JAK2: variants seen among roughly 807,000 people sequenced by gnomAD.
JAK2 encodes Janus kinase 2, also known as tyrosine-protein kinase JAK2.
In JAK2, 86 loss-of-function variants were observed where a neutral mutation model predicts 139.3. The ratio of observed to expected loss-of-function variants is 0.62; its 90% confidence interval spans 0.52 to 0.74. The LOEUF (loss-of-function observed/expected upper bound fraction) is 0.74, where lower values mean the gene tolerates loss of function less well. Among genes scored for constraint, JAK2 ranks in the 30% least tolerant of loss-of-function variants. JAK2 has a pLI of 0.00. For synonymous variants in JAK2, 490 were observed against 437.7 expected (o/e 1.12, Z -1.49); for missense variants, 1,421 against 1,360.3 (o/e 1.04, Z -0.70).
At chr9:5,124,070 G>C (rs1823814326) in intron 23 of JAK2, among the ~76,000 whole-genome samples, 1 of 151,216 alleles carries the variant, frequency 6.6e-6, no homozygotes, top group Admixed American at 6.6e-5. Flanking sequence ...AGGGGGTTTT[G>C]GTTGAATTGC....
rs1457657217 is a variant in JAK2 at position 5,078,632 on chromosome 9, AT to A, written c.2131+189del. Among the ~76,000 whole-genome samples, 10 of 152,326 alleles carry A rather than the reference AT, an allele frequency of 6.6e-5. No individual in the cohort carries two copies. In the Middle Eastern group the frequency reaches 0.017, roughly 259 times the overall value. ...CTCTATTTTTCTTTCTTATAAGCAT[AT>A]AACCATGGACTGTGAGGTGATTTTT... On this transcript the variant is annotated intron_variant, in intron 16 of 24. Coordinates refer to ENST00000381652, the MANE Select transcript of JAK2 (RefSeq NM_004972.4).
intron 22 of JAK2, chr9:5,113,424 TAAAAAAAAAAAAA>T (rs35820131): frequency 8.8e-6 from 1 of 114,134 alleles, no homozygotes. Context: ...ATTAGTTATT[TAAAAAAAAAAAAA>T]AAAAAAAAAA....
intron 15 of JAK2, among the ~76,000 whole-genome samples, 199 bp downstream of exon 15, chr9:5,077,779 T>A (rs1371906677): frequency 1.3e-5 from 2 of 152,254 alleles, no homozygotes; most frequent in South Asian, 4.1e-4. Context: ...AAAAGTTTTG[T>A]CATCCCATCA....
chr9:5,114,618 C>T, intron 22 of JAK2: 1 of 485,606 alleles, frequency 2.1e-6, no homozygotes, highest in Non-Finnish European at 4.1e-6. Flanking sequence ...CGAGGTGCAG[C>T]TCCCGGACAC....
intron 13 of JAK2, 86 bp from the exon 14 acceptor site, chr9:5,073,612 C>A: frequency 1.0e-6 from 1 of 972,792 alleles, no homozygotes; most frequent in South Asian, 1.4e-5. Context: ...GGAGAAAGTG[C>A]ATCTTTATTA....
intron 4 of JAK2, among the ~76,000 whole-genome samples, chr9:5,033,884 A>G (rs554035874): frequency 6.6e-6 from 1 of 152,328 alleles, no homozygotes; most frequent in Non-Finnish European, 1.5e-5. Context: ...AAATTCACCC[A>G]TAACAATATT....
intron 4 of JAK2, among the ~76,000 whole-genome samples, chr9:5,032,130 C>A (rs775851911): frequency 3.9e-5 from 6 of 152,240 alleles, no homozygotes; most frequent in Non-Finnish European, 7.3e-5. Flanking sequence ...GGGTCCTACG[C>A]CCACGGAGCC....
chr9:4,991,226 T>C (rs1820222330), intron 2 of JAK2, among the ~76,000 whole-genome samples: 1 of 152,212 alleles, frequency 6.6e-6, no homozygotes. Flanking sequence ...TTTGAAGCTT[T>C]TCTGTATAGT....
rs1817234424 is a variant in JAK2 at position 5,049,089 on chromosome 9, TCAG to T, written c.469-1595_469-1593del. Among the ~76,000 whole-genome samples the T allele has an allele frequency of 8.5e-5, 13 of 152,346 alleles. No homozygotes were observed. The South Asian group carries it at 2.7e-3, about 32-fold the overall frequency. Reference sequence around the variant, plus strand: ...AGACAATATATAGTTAATAAAGTTATCAGCCTTTTTTCAGAATCTTTTAGTATC... The same window carrying T: ...AGACAATATATAGTTAATAAAGTTATCCTTTTTTCAGAATCTTTTAGTATC... On this transcript the variant is annotated intron_variant, in intron 5 of 24. Coordinates refer to ENST00000381652, the MANE Select transcript of JAK2 (RefSeq NM_004972.4).
At position 4,999,648 on chromosome 9, in the gene JAK2, C is replaced by T. The variant is rs143220666; in HGVS notation, c.-26+13626C>T. ...CAGTTCAAGTCTCAAAACTGAAGAA[C>T]TTGGAGTCTGATGTTCAAGGGCAGG... On this transcript the variant is annotated intron_variant, in intron 2 of 24. Coordinates refer to ENST00000381652, the MANE Select transcript of JAK2 (RefSeq NM_004972.4). 9.2e-5 allele frequency among the ~76,000 whole-genome samples: 14 copies of T among 152,224 alleles called. No individual in the cohort carries two copies. In the East Asian group the frequency reaches 2.7e-3, roughly 29 times the overall value.
intron 5 of JAK2, among the ~76,000 whole-genome samples, chr9:5,046,417 CTAATT>C (rs1817013761): frequency 6.6e-6 from 1 of 152,068 alleles, no homozygotes; most frequent in Non-Finnish European, 1.5e-5. Flanking sequence ...TGGCTGTATT[CTAATT>C]TATCTATTTT....
intron 6 of JAK2, among the ~76,000 whole-genome samples, chr9:5,052,231 C>G (rs1817464191): frequency 6.6e-6 from 1 of 152,120 alleles, no homozygotes; most frequent in South Asian, 2.1e-4. Flanking sequence ...TTGGCACAAT[C>G]TTTCTATGTA....
chr9:5,103,219 A>T (rs1821661048), intron 22 of JAK2, among the ~76,000 whole-genome samples: 1 of 111,844 alleles, frequency 8.9e-6, no homozygotes, highest in Non-Finnish European at 1.8e-5. Flanking sequence ...GCAAAGGGAA[A>T]GCAAAAAAAA....
chr9:5,117,716 G>T (rs1007046043), intron 22 of JAK2, among the ~76,000 whole-genome samples: 1 of 151,684 alleles, frequency 6.6e-6, no homozygotes. Context: ...ATTTAATATG[G>T]TAAATACTGG....
At chr9:5,089,650 A>G in intron 19 of JAK2, 24 bp from the exon 20 acceptor site, 1 of 1,273,340 alleles carries the variant, frequency 7.9e-7, no homozygotes, top group Non-Finnish European at 1.0e-6. Flanking sequence ...TGGTATTTCC[A>G]TCCTAATGTG....
chr9:5,098,013 T>C (rs1388158291), intron 22 of JAK2: 1 of 152,224 alleles, frequency 6.6e-6, no homozygotes, highest in African/African-American at 2.4e-5. Context: ...GCATGAAATA[T>C]TATCTCATCC....
chr9:5,095,131 C>T (rs1188026938), intron 22 of JAK2: 1 of 151,904 alleles, frequency 6.6e-6, no homozygotes. Flanking sequence ...CAAAATTCTC[C>T]ATGCTACCTA....
chr9:5,015,901 T>A (rs10815146), intron 2 of JAK2, among the ~76,000 whole-genome samples: 94,897 of 151,878 alleles, frequency 0.62, 31,666 homozygotes, highest in African/African-American at 0.88. Flanking sequence ...ATAAAAAGAG[T>A]AAAAAATATC....
rs1822111373 is a variant in JAK2 at position 5,107,987 on chromosome 9, T to C, written c.3060-15017T>C. 2.0e-5 allele frequency: 3 copies of C among 152,132 alleles called. No individual in the cohort carries two copies. The South Asian group carries it at 6.2e-4, about 31-fold the overall frequency. 9.4% of individuals were successfully genotyped at this position (152,132 alleles called of 1,614,324 possible). A position where few individuals can be genotyped will look rare whatever the true frequency, so the allele number is the denominator to read the frequency against. On this transcript the variant is annotated intron_variant, in intron 22 of 24. Coordinates refer to ENST00000381652, the MANE Select transcript of JAK2 (RefSeq NM_004972.4). Reference sequence around the variant, plus strand: ...ATAATATGATTCTCTAAAAATTCTATAATCTGAATTAACATGACCATCCAC... The same window carrying C: ...ATAATATGATTCTCTAAAAATTCTACAATCTGAATTAACATGACCATCCAC...
Sources: gnomAD v4.1 joint callset for allele counts (sites outside exome capture counted in the v4.1 genomes callset) on GRCh38, gnomAD v4.1.1 for gene constraint, MANE v1.5 for transcripts, NCBI Gene and HGNC (gene_info 2026-07-23, HGNC 2026-07-21) for gene names.